Variants in AFG3L2 observed in about 807,000 individuals in gnomAD.
AFG3L2 encodes mitochondrial inner membrane m-AAA protease component AFG3L2.
A neutral mutation model predicts 94.5 loss-of-function variants in AFG3L2; 54 were observed. The observed-to-expected ratio is 0.57, with a 90% CI of 0.46 to 0.72. The LOEUF (loss-of-function observed/expected upper bound fraction) is 0.72. AFG3L2 is among the 30% of genes least tolerant of loss of function. The probability of loss-of-function intolerance (pLI) is 0.00; values close to 1 mark genes in which losing one functional copy is unlikely to be tolerated. For synonymous variants in AFG3L2, 377 were observed against 365.5 expected (o/e 1.03, Z -0.36); for missense variants, 754 against 994.9 (o/e 0.76, Z 3.26).
chr18:12,338,693 A>G (rs184786196), intron 15 of AFG3L2, among the ~76,000 whole-genome samples: 148 of 152,286 alleles, frequency 9.7e-4, no homozygotes, highest in African/African-American at 3.3e-3. Context: ...CAATAGAAAA[A>G]TCCCTTATAA....
Position 12,351,108 on chromosome 18 carries a change from G to A in AFG3L2, c.1529C>T (p.Ala510Val). The A allele has an allele frequency of 2.5e-6, 4 of 1,613,276 alleles. No individual in the cohort carries two copies. Among genetic ancestry groups the A allele is most frequent in the Non-Finnish European group, 3.4e-6 (4 of 1,180,006 alleles). Residue 510 changes from alanine to valine, a missense_variant, in exon 12 of 17, where the codon GCA becomes GTA. Ala to Val is a moderately conservative substitution (Grantham distance 64). Around this residue, in one of 4 missense-constraint regions of AFG3L2, gnomAD observed 279 missense variants for 378.6 expected, o/e 0.74. Coordinates refer to ENST00000269143, the MANE Select transcript of AFG3L2 (RefSeq NM_006796.3). Reference protein sequence around the residue: ...LEKDKLARKLASLTPGFSGAD... With the variant: ...LEKDKLARKLVSLTPGFSGAD... ...ACCTGAAAACCCTGGAGTTAAAGAT[G>A]CCAGTTTTCTTGCCAATTTATCCTT...
Position 12,369,727 on chromosome 18 carries a change from G to A in AFG3L2, c.292+1122C>T, listed in dbSNP as rs1273215577. Among the ~76,000 whole-genome samples the A allele has an allele frequency of 2.8e-3, 359 of 130,042 alleles. 3 individuals are homozygous for A. The highest frequency in any genetic ancestry group is 7.1e-3 in the East Asian group (30 of 4,242). 85.3% of individuals were successfully genotyped at this position (130,042 alleles called of 152,430 possible). On this transcript the variant is annotated intron_variant, in intron 3 of 16. Coordinates refer to ENST00000269143, the MANE Select transcript of AFG3L2 (RefSeq NM_006796.3). ...ACCCCTCCTCAAAAAAAAAAAAAAA[G>A]AAACTGAATTACAGTTTTCTTTACA...
At chr18:12,354,070 T>C (rs542858236) in intron 9 of AFG3L2, among the ~76,000 whole-genome samples, 1 of 147,852 alleles carries the variant, frequency 6.8e-6, no homozygotes, top group Admixed American at 6.7e-5. Flanking sequence ...ACTCAGCACC[T>C]CACCATCAGT....
rs1598826566 is a variant in AFG3L2, at chr18:12,346,025, C to T, written c.1664-1778G>A. ...ACTCAGATGAACTGTCAAAAGTCAC[C>T]CTAACACGCTCACTGCCAAATCCAA... On this transcript the variant is annotated intron_variant, in intron 13 of 16. Coordinates refer to ENST00000269143, the MANE Select transcript of AFG3L2 (RefSeq NM_006796.3). Among the ~76,000 whole-genome samples, 4 of 152,148 alleles carry T rather than the reference C, an allele frequency of 2.6e-5. No homozygotes were observed. In the East Asian group the frequency reaches 7.7e-4, roughly 29 times the overall value.
At position 12,377,056 on chromosome 18, in the gene AFG3L2, C is replaced by G. The variant is rs889942574; in HGVS notation, c.27G>C (p.Trp9Cys). The change falls in exon 1 of 17, where the codon TGG (tryptophan) becomes TGC (cysteine). Residue 9 changes from tryptophan (W) to cysteine (C), a missense_variant. By Grantham distance (215) the Trp-to-Cys change is radical. Transcript: ENST00000269143. MAHRCLRL[W>C]GRGGCWPRGL... ...CGCGGGGCCAGCAGCCGCCCCGGCCCCACAGCCGCAAACAGCGGTGCGCCA... is the reference window on the plus strand; with the variant it reads ...CGCGGGGCCAGCAGCCGCCCCGGCCGCACAGCCGCAAACAGCGGTGCGCCA... The G allele has an allele frequency of 4.2e-6, 6 of 1,435,860 alleles. No individual in the cohort carries two copies. The Admixed American group carries it at 1.5e-4, about 37-fold the overall frequency. 88.9% of individuals were successfully genotyped at this position (1,435,860 alleles called of 1,614,324 possible).
chr18:12,373,079 G>T (rs1393461717), intron 1 of AFG3L2, among the ~76,000 whole-genome samples: 5 of 152,194 alleles, frequency 3.3e-5, no homozygotes, highest in South Asian at 2.1e-4. Context: ...AGAATGAGAT[G>T]ATTTAACTTC....
chr18:12,357,660 C>T (rs1598833057), intron 8 of AFG3L2, among the ~76,000 whole-genome samples: 2 of 152,034 alleles, frequency 1.3e-5, no homozygotes, highest in African/African-American at 4.8e-5. Flanking sequence ...TGCAATGGCA[C>T]GATCTCGGCT....
At chr18:12,329,884 T>A in intron 16 of AFG3L2, 101 bp from the exon 17 acceptor site, 2 of 1,045,742 alleles carry the variant, frequency 1.9e-6, no homozygotes, top group Non-Finnish European at 2.9e-6. Context: ...AAAAAGGATT[T>A]AAGACCAATG....
intron 9 of AFG3L2, among the ~76,000 whole-genome samples, chr18:12,354,132 A>ACCTC (rs1201617525): frequency 1.5e-3 from 83 of 55,826 alleles, no homozygotes; most frequent in African/African-American, 6.3e-3. Context: ...GCCCACTCCC[A>ACCTC]CCCCCCCCCC....
rs10689491 is a variant in AFG3L2 at position 12,332,123 on chromosome 18, A to ATTT, written c.2176-2343_2176-2341dup. On this transcript the variant is annotated intron_variant, in intron 16 of 16. Coordinates refer to ENST00000269143, the MANE Select transcript of AFG3L2 (RefSeq NM_006796.3). The stretch of plus-strand genomic sequence containing the variant: ...AATTATAAGTTGATCTCATAAAATG[A>ATTT]TTTTTTTTTTTTTTTTTTGAGACAG... 8.3e-3 allele frequency among the ~76,000 whole-genome samples: 1,093 copies of ATTT among 131,688 alleles called. 23 individuals are homozygous for ATTT. The highest frequency in any genetic ancestry group is 0.012 in the Non-Finnish European group (770 of 63,742). The allele number at this position is 131,688 out of a possible 152,430, so 86.4% of individuals were successfully genotyped here.
intron 3 of AFG3L2, among the ~76,000 whole-genome samples, chr18:12,367,897 G>A (rs576027894): frequency 2.6e-5 from 4 of 152,272 alleles, no homozygotes; most frequent in East Asian, 1.9e-4. Context: ...GGCCGGGCGC[G>A]GTGGTTCACG....
chr18:12,358,826 A>G lies in AFG3L2; in HGVS notation c.870T>C (p.Ser290=), dbSNP rs779115725. 1.2e-6 allele frequency: 2 copies of G among 1,614,142 alleles called. No homozygotes were observed. The highest frequency in any genetic ancestry group is 2.2e-5 in the South Asian group (2 of 91,086). ...RTGRGMGGLF[S]VGETTAKVLK... ...AGACCTTGGCAGTGGTTTCTCCGAC[A>G]CTGAAGAGTCCGCCCATCCCTCGGC... Residue 290 remains serine (S), a synonymous_variant, in exon 8 of 17, where the codon AGT becomes AGC. Coordinates refer to ENST00000269143, the MANE Select transcript of AFG3L2 (RefSeq NM_006796.3).
chr18:12,352,763 C>T (rs754630735), intron 10 of AFG3L2, among the ~76,000 whole-genome samples: 6 of 151,788 alleles, frequency 4.0e-5, no homozygotes, highest in Non-Finnish European at 8.8e-5. Context: ...TTAGGGAATG[C>T]TTTTTTTTGT....
chr18:12,337,503 CCCAA>C lies in AFG3L2; in HGVS notation c.2009_2012del (p.Val670GlyfsTer26). 1.2e-6 allele frequency: 2 copies of C among 1,614,166 alleles called. No individual in the cohort carries two copies. Among genetic ancestry groups the C allele is most frequent in the Non-Finnish European group, 1.7e-6 (2 of 1,180,026 alleles). ...GACGTGGGAGGTCAAAGGAGATTTG[CCCAA>C]CCTTTTCATTCATGCCAAACTGAAC... On this transcript the variant is annotated frameshift_variant, in exon 16 of 17. Transcript: ENST00000269143. LOFTEE classifies it high-confidence loss of function.
At chr18:12,341,805 A>G (rs1035924929) in intron 14 of AFG3L2, 1 of 152,232 alleles carries the variant, frequency 6.6e-6, no homozygotes, top group African/African-American at 2.4e-5. Flanking sequence ...CTACCTTAAT[A>G]AGAAACTGCC....
intron 1 of AFG3L2, 41 bp downstream of exon 1, chr18:12,376,928 G>C (rs1322532287): frequency 7.4e-7 from 1 of 1,360,468 alleles, no homozygotes; most frequent in Non-Finnish European, 9.6e-7. Context: ...AAGTGGGCCC[G>C]AGGCAGGGTG....
At chr18:12,373,153 T>C (rs1909042997) in intron 1 of AFG3L2, among the ~76,000 whole-genome samples, 1 of 152,218 alleles carries the variant, frequency 6.6e-6, no homozygotes, top group East Asian at 1.9e-4. Flanking sequence ...TTTGTCTGAG[T>C]GCAATACTGG....
intron 1 of AFG3L2, among the ~76,000 whole-genome samples, chr18:12,374,051 G>A (rs759338535): frequency 3.9e-5 from 6 of 152,088 alleles, no homozygotes; most frequent in East Asian, 1.9e-4. Flanking sequence ...CACTGTATGC[G>A]CTCCATAAAT....
chr18:12,339,946 G>A (rs1417902143), intron 15 of AFG3L2, among the ~76,000 whole-genome samples: 1 of 152,036 alleles, frequency 6.6e-6, no homozygotes, highest in Non-Finnish European at 1.5e-5. Context: ...CTTGAACCCA[G>A]GAGGCAGAGG....
Sources: gnomAD v4.1 joint callset for allele counts (sites outside exome capture counted in the v4.1 genomes callset) on GRCh38, gnomAD v4.1.1 for gene constraint, gnomAD v4.1.1 regional missense constraint, MANE v1.5 for transcripts, NCBI Gene and HGNC (gene_info 2026-07-23, HGNC 2026-07-21) for gene names.